MAP4K2: variants seen among roughly 807,000 people sequenced by gnomAD.
MAP4K2 encodes mitogen-activated protein kinase kinase kinase kinase 2.
A neutral mutation model predicts 125.3 loss-of-function variants in MAP4K2; 85 were observed. The ratio of observed to expected loss-of-function variants is 0.68; its 90% confidence interval spans 0.57 to 0.81. The LOEUF (loss-of-function observed/expected upper bound fraction) is 0.81. Among genes scored for constraint, MAP4K2 ranks in the 40% least tolerant of loss-of-function variants. The pLI, the probability that MAP4K2 is intolerant of heterozygous loss-of-function variation, is 0.00. For missense variants in MAP4K2, 923 were observed against 1,056.4 expected (o/e 0.87, Z 1.75); for synonymous variants, 479 against 445.1 (o/e 1.08, Z -0.96).
rs752810493 is a variant in MAP4K2 at position 64,788,851 on chromosome 11, G to C, written c.*686C>G. On this transcript the variant is annotated 3_prime_UTR_variant, in exon 32 of 32. Coordinates refer to ENST00000294066, the MANE Select transcript of MAP4K2 (RefSeq NM_004579.5). ...CGTGGGGCAAGGGTGCCCTGGATGA[G>C]AGTCCCTTTGTTGAGGTCCCCCCAT... 45 of 152,494 alleles carry C rather than the reference G, an allele frequency of 3.0e-4. No homozygotes were observed. Among genetic ancestry groups the C allele is most frequent in the Non-Finnish European group, 5.1e-4 (35 of 68,314 alleles). The allele number at this position is 152,494 out of a possible 1,614,324, so 9.4% of individuals were successfully genotyped here. A position where few individuals can be genotyped will look rare whatever the true frequency, so the allele number is the denominator to read the frequency against.
chr11:64,802,289 C>T (rs985132744), intron 4 of MAP4K2, 130 bp downstream of exon 4: 17 of 1,153,096 alleles, frequency 1.5e-5, no homozygotes, highest in Non-Finnish European at 2.1e-5. Flanking sequence ...CAGTATTTCT[C>T]TCAAGGTCAC....
intron 4 of MAP4K2, 69 bp from the exon 5 acceptor site, chr11:64,802,190 G>T: frequency 7.0e-7 from 1 of 1,438,520 alleles, no homozygotes; most frequent in Non-Finnish European, 9.7e-7. Flanking sequence ...GCTACCGTGT[G>T]TGGGAAAAGC....
rs1318023873 is a variant in MAP4K2, at chr11:64,791,906, C to A, written c.2092+3G>T. 1 of 1,577,466 alleles carries A rather than the reference C, an allele frequency of 6.3e-7. No homozygotes were observed. The highest frequency in any genetic ancestry group is 2.3e-5 in the East Asian group (1 of 43,924). Reference sequence around the variant, plus strand: ...CCCCCAGCAGCCTGGCCCTTCTGCTCACCAGGTGGGATGAGGATGTCGGGC... The same window carrying A: ...CCCCCAGCAGCCTGGCCCTTCTGCTAACCAGGTGGGATGAGGATGTCGGGC... On this transcript the variant is annotated splice_donor_region_variant and intron_variant, in intron 27 of 31. Transcript: ENST00000294066.
Position 64,797,031 on chromosome 11 carries a change from G to A in MAP4K2, c.1366-8C>T, listed in dbSNP as rs751834308. On this transcript the variant is annotated splice_polypyrimidine_tract_variant and splice_region_variant and intron_variant, in intron 19 of 31. Transcript: ENST00000294066. ...CCCGTGGCAGGATGACCTCTGGGAG[G>A]GAGGAAAGGAGTCAGGGCTGATATG... 3.7e-6 allele frequency: 6 copies of A among 1,613,984 alleles called. No homozygotes were observed. The highest frequency in any genetic ancestry group is 2.2e-5 in the East Asian group (1 of 44,898).
At chr11:64,802,302 A>T in intron 4 of MAP4K2, 117 bp downstream of exon 4, 1 of 1,194,372 alleles carries the variant, frequency 8.4e-7, no homozygotes, top group East Asian at 2.5e-5. Flanking sequence ...AAGGTCACAC[A>T]GCCAGGCAGG....
intron 6 of MAP4K2, 27 bp downstream of exon 6, chr11:64,801,683 C>A (rs375924770): frequency 1.9e-6 from 3 of 1,613,772 alleles, no homozygotes; most frequent in Non-Finnish European, 2.5e-6. Flanking sequence ...CCTCCCTCCC[C>A]AGGAGTGCCC....
chr11:64,797,557 G>C (rs976154846), intron 16 of MAP4K2, 23 bp from the exon 17 acceptor site: 1 of 1,573,358 alleles, frequency 6.4e-7, no homozygotes, highest in Admixed American at 1.9e-5. Context: ...GATGAGGCGT[G>C]AGGCATGAGG....
Position 64,789,486 on chromosome 11 carries a change from G to A in MAP4K2, c.*51C>T. ...TGGGCCCCTTTGCCCAAAAGGGCCT[G>A]CAGCTAAGGCGTGGGGTGGGGCGGG... On this transcript the variant is annotated 3_prime_UTR_variant, in exon 32 of 32. Coordinates refer to ENST00000294066, the MANE Select transcript of MAP4K2 (RefSeq NM_004579.5). 1.3e-6 allele frequency: 2 copies of A among 1,516,100 alleles called. No homozygotes were observed. The highest frequency in any genetic ancestry group is 2.8e-5 in the African/African-American group (2 of 72,518). The allele number at this position is 1,516,100 out of a possible 1,614,324, so 93.9% of individuals were successfully genotyped here. A position where few individuals can be genotyped will look rare whatever the true frequency, so the allele number is the denominator to read the frequency against.
intron 24 of MAP4K2, 103 bp downstream of exon 24, chr11:64,796,170 C>T (rs2136044209): frequency 1.9e-6 from 2 of 1,063,856 alleles, no homozygotes; most frequent in Non-Finnish European, 2.7e-6. Context: ...CTCAGAGAGA[C>T]AACACGTCTA....
intron 24 of MAP4K2, among the ~76,000 whole-genome samples, chr11:64,795,922 A>G (rs1383429817): frequency 6.6e-6 from 1 of 152,092 alleles, no homozygotes; most frequent in Admixed American, 6.5e-5. Context: ...CATCTCCCCC[A>G]TTTCTTGAAA....
chr11:64,801,505 C>A lies in MAP4K2; in HGVS notation c.457+74G>T. 2.6e-6 allele frequency: 4 copies of A among 1,546,614 alleles called. No individual in the cohort carries two copies. The South Asian group carries it at 4.5e-5, about 18-fold the overall frequency. ...GGCAAAGTGACTTGCCCAGTGACACCCAACCCTTGAGTCCAGGGTAGCCGG... is the reference window on the plus strand; with the variant it reads ...GGCAAAGTGACTTGCCCAGTGACACACAACCCTTGAGTCCAGGGTAGCCGG... On this transcript the variant is annotated intron_variant, in intron 7 of 31. Transcript: ENST00000294066.
At chr11:64,799,293 A>C in intron 14 of MAP4K2, 128 bp downstream of exon 14, 1 of 1,124,170 alleles carries the variant, frequency 8.9e-7, no homozygotes. Context: ...GCTTGCTTGG[A>C]CAGTCTAAGG....
At chr11:64,790,295 T>C (rs112459115) in intron 28 of MAP4K2, 21 bp from the exon 29 acceptor site, 4 of 1,613,976 alleles carry the variant, frequency 2.5e-6, no homozygotes, top group African/African-American at 1.3e-5. Flanking sequence ...AAGGAATTGG[T>C]GAGTGGGGAC....
At chr11:64,798,352 G>A (rs1236910191) in intron 15 of MAP4K2, among the ~76,000 whole-genome samples, 1 of 151,994 alleles carries the variant, frequency 6.6e-6, no homozygotes, top group East Asian at 1.9e-4. Flanking sequence ...TTTTACTAGA[G>A]ACGGGCTTTC....
At chr11:64,798,658 C>T (rs762197379) in intron 15 of MAP4K2, 136 bp downstream of exon 15, 6 of 852,264 alleles carry the variant, frequency 7.0e-6, no homozygotes, top group African/African-American at 3.4e-5. Context: ...TGGTCTTGAA[C>T]TCCTGACCTC....
At position 64,797,676 on chromosome 11, in the gene MAP4K2, G is replaced by C. The variant is rs768626748; in HGVS notation, c.1098-12C>G. The C allele has an allele frequency of 5.9e-6, 9 of 1,527,054 alleles. No homozygotes were observed. In the Admixed American group the frequency reaches 2.1e-4, roughly 35 times the overall value. The allele number at this position is 1,527,054 out of a possible 1,614,324, so 94.6% of individuals were successfully genotyped here. A position where few individuals can be genotyped will look rare whatever the true frequency, so the allele number is the denominator to read the frequency against. On this transcript the variant is annotated splice_polypyrimidine_tract_variant and intron_variant, in intron 15 of 31. Transcript: ENST00000294066. The stretch of plus-strand genomic sequence containing the variant: ...ACTGCAGCAGGCTCCTGGGCAGTGG[G>C]GAAAAGGGGTCAGAGGTCAACCTTT...
chr11:64,799,810 A>T, intron 12 of MAP4K2, 127 bp from the exon 13 acceptor site: 1 of 724,372 alleles, frequency 1.4e-6, no homozygotes, highest in South Asian at 1.7e-5. Context: ...TGTAAAATAA[A>T]ATGGAACCCC....
chr11:64,791,809 T>C (rs1940492712), intron 27 of MAP4K2, 100 bp downstream of exon 27: 2 of 1,299,432 alleles, frequency 1.5e-6, no homozygotes, highest in Admixed American at 2.9e-5. Context: ...AGCCACTGGC[T>C]GTGGGGAGCC....
Position 64,785,301 on chromosome 11 carries a change from A to G in MAP4K2, c.*4236T>C, listed in dbSNP as rs1408851676. 1 of 152,230 alleles carries G rather than the reference A, an allele frequency of 6.6e-6. No homozygotes were observed. Among genetic ancestry groups the G allele is most frequent in the Non-Finnish European group, 1.5e-5 (1 of 68,048 alleles). The allele number at this position is 152,230 out of a possible 1,614,324, so 9.4% of individuals were successfully genotyped here. ...GATGGTGATTATCTTGATTGTGGAAATAGCTTCACGGGTGTACACGTATGT... is the reference window on the plus strand; with the variant it reads ...GATGGTGATTATCTTGATTGTGGAAGTAGCTTCACGGGTGTACACGTATGT... On this transcript the variant is annotated 3_prime_UTR_variant, in exon 32 of 32. Transcript: ENST00000294066.
Sources: allele counts gnomAD v4.1 joint callset (sites outside exome capture counted in the v4.1 genomes callset), GRCh38; gene constraint gnomAD v4.1.1; transcripts MANE v1.5; gene names NCBI Gene and HGNC (gene_info 2026-07-23, HGNC 2026-07-21).